LINGO2: variants seen among roughly 807,000 people sequenced by gnomAD.
The protein encoded by LINGO2 is leucine-rich repeat and immunoglobulin-like domain-containing nogo receptor-interacting protein 2.
A neutral mutation model predicts 30.6 loss-of-function variants in LINGO2; 14 were observed. The observed-to-expected ratio is 0.46, with a 90% CI of 0.30 to 0.72. LINGO2 has a LOEUF of 0.72. Ranked by LOEUF, LINGO2 falls within the 30% of genes least tolerant of loss-of-function variation. LINGO2 has a pLI of 0.07. For missense variants in LINGO2, 729 were observed against 751.7 expected (o/e 0.97, Z 0.35); for synonymous variants, 317 against 288.5 (o/e 1.10, Z -1.00).
At chr9:27,949,653 A>C in exon 6 of LINGO2, 6 of 1,614,020 alleles carry the variant, frequency 3.7e-6, no homozygotes, top group Non-Finnish European at 5.1e-6. Flanking sequence ...GGAGGAGAAG[A>C]CATTCTCTTC....
At chr9:27,987,508 C>A (rs930397595) in intron 5 of LINGO2, among the ~76,000 whole-genome samples, 1 of 151,770 alleles carries the variant, frequency 6.6e-6, no homozygotes, top group Non-Finnish European at 1.5e-5. Context: ...TACTGTACCC[C>A]CCAAACAGCT....
the LINGO2 span, among the ~76,000 whole-genome samples, chr9:28,961,349 T>C: frequency 2.6e-5 from 4 of 152,280 alleles, no homozygotes; most frequent in African/African-American, 9.6e-5. Context: ...GCGATTTATA[T>C]ACTTGGGGTA....
the LINGO2 span, among the ~76,000 whole-genome samples, chr9:28,777,620 T>C: frequency 1.3e-5 from 2 of 152,198 alleles, no homozygotes; most frequent in Non-Finnish European, 2.9e-5. Flanking sequence ...AGGCAAAGGG[T>C]ACTCTACTTT....
At chr9:28,081,662 A>C (rs1825777855) in intron 4 of LINGO2, among the ~76,000 whole-genome samples, 1 of 152,194 alleles carries the variant, frequency 6.6e-6, no homozygotes, top group Non-Finnish European at 1.5e-5. Flanking sequence ...TACCCGCTGT[A>C]TGACCTTGGA....
At chr9:28,957,137 C>A in the LINGO2 span, among the ~76,000 whole-genome samples, 1 of 152,046 alleles carries the variant, frequency 6.6e-6, no homozygotes, top group African/African-American at 2.4e-5. Context: ...TGGAGAATAG[C>A]CTATTACTTA....
the LINGO2 span, among the ~76,000 whole-genome samples, chr9:28,932,373 T>C: frequency 6.6e-6 from 1 of 152,150 alleles, no homozygotes; most frequent in African/African-American, 2.4e-5. Flanking sequence ...CTGTCCCTTG[T>C]CCATCTGATC....
intron 2 of LINGO2, among the ~76,000 whole-genome samples, chr9:28,383,906 G>A (rs1468392111): frequency 6.6e-6 from 1 of 151,934 alleles, no homozygotes; most frequent in Non-Finnish European, 1.5e-5. Flanking sequence ...GAATCCCTGT[G>A]TTAAAAGAAT....
rs150126351 is a variant in LINGO2 at position 28,165,365 on chromosome 9, G to A, written c.-87+129843C>T. On this transcript the variant is annotated intron_variant, in intron 4 of 5. Transcript: ENST00000379992. ...CCTGTGACATGCTGGGGAGATCCAG[G>A]GATTTAGGGAGGTGAAGAATAAAAG... is the stretch of plus-strand genomic sequence containing the variant. 5.3e-5 allele frequency among the ~76,000 whole-genome samples: 8 copies of A among 152,218 alleles called. No homozygotes were observed. In the East Asian group the frequency reaches 1.2e-3, roughly 22 times the overall value.
At chr9:28,567,407 A>G (rs985971581) in intron 1 of LINGO2, among the ~76,000 whole-genome samples, 16 of 152,174 alleles carry the variant, frequency 1.1e-4, no homozygotes, top group Admixed American at 2.0e-4. Flanking sequence ...GGGTCCATCA[A>G]CAGTGGGCTG....
intron 4 of LINGO2, among the ~76,000 whole-genome samples, chr9:28,246,508 T>G (rs533618032): frequency 1.7e-4 from 26 of 152,260 alleles, no homozygotes; most frequent in African/African-American, 5.5e-4. Context: ...AGGGAAAGTA[T>G]TCCCTATTTA....
chr9:29,111,700 A>G, the LINGO2 span, among the ~76,000 whole-genome samples: 28 of 151,464 alleles, frequency 1.8e-4, 1 homozygote, highest in Non-Finnish European at 2.9e-5. Context: ...TATTCTACCT[A>G]TGCAGAATGA....
intron 2 of LINGO2, among the ~76,000 whole-genome samples, chr9:28,408,191 A>G (rs755597523): frequency 1.3e-5 from 2 of 152,164 alleles, no homozygotes; most frequent in Non-Finnish European, 2.9e-5. Flanking sequence ...TACATCATTT[A>G]TCTCCTTTAA....
chr9:28,124,864 C>G (rs374711765), intron 4 of LINGO2, among the ~76,000 whole-genome samples: 1 of 151,994 alleles, frequency 6.6e-6, no homozygotes, highest in Admixed American at 6.6e-5. Flanking sequence ...AAATCTCTAG[C>G]GAACAAAAAT....
rs1210639905 is a variant in LINGO2, at chr9:28,665,048, G to A, written c.-365+5152C>T. On this transcript the variant is annotated intron_variant, in intron 1 of 5. Coordinates refer to ENST00000379992, the Ensembl canonical transcript of LINGO2. The stretch of plus-strand genomic sequence containing the variant: ...ATATATATATATATATGTTATAAGC[G>A]AACACAATAGGTACTCAATAAAGAT... Among the ~76,000 whole-genome samples, 8 of 112,274 alleles carry A rather than the reference G, an allele frequency of 7.1e-5. No individual in the cohort carries two copies. In the East Asian group the frequency reaches 1.8e-3, roughly 26 times the overall value. 73.7% of individuals were successfully genotyped at this position (112,274 alleles called of 152,430 possible). A position where few individuals can be genotyped will look rare whatever the true frequency, so the allele number is the denominator to read the frequency against.
At chr9:28,746,863 A>C in the LINGO2 span, among the ~76,000 whole-genome samples, 1 of 152,000 alleles carries the variant, frequency 6.6e-6, no homozygotes, top group African/African-American at 2.4e-5. Flanking sequence ...CTTCACTTTC[A>C]CCTGCCTTAC....
intron 2 of LINGO2, among the ~76,000 whole-genome samples, chr9:28,376,434 T>C (rs1407778942): frequency 6.6e-6 from 1 of 152,212 alleles, no homozygotes; most frequent in African/African-American, 2.4e-5. Context: ...TATTATATGA[T>C]GCAAGTAGTG....
intron 1 of LINGO2, among the ~76,000 whole-genome samples, chr9:28,516,766 T>G (rs10757753): frequency 0.53 from 81,013 of 151,966 alleles, 22,250 homozygotes; most frequent in East Asian, 0.67. Flanking sequence ...CTAAGAAGTA[T>G]TCTCTCAGGT....
At chr9:28,266,401 A>C (rs1822752583) in intron 4 of LINGO2, among the ~76,000 whole-genome samples, 1 of 151,982 alleles carries the variant, frequency 6.6e-6, no homozygotes, top group Admixed American at 6.6e-5. Context: ...TGACCCTCTA[A>C]TGGACAAAGG....
intron 4 of LINGO2, among the ~76,000 whole-genome samples, chr9:28,177,641 A>G (rs1828785151): frequency 1.3e-5 from 2 of 152,304 alleles, no homozygotes. Context: ...AAATATTGTT[A>G]TGATTGCTAT....
Sources: gnomAD v4.1 joint callset for allele counts (sites outside exome capture counted in the v4.1 genomes callset) on GRCh38, gnomAD v4.1.1 for gene constraint, MANE v1.5 for transcripts, NCBI Gene and HGNC (gene_info 2026-07-23, HGNC 2026-07-21) for gene names.